The following TAOK2 variants were observed in gnomAD, a reference collection of about 807,000 sequenced individuals.
The protein encoded by TAOK2 is TAO kinase 2, also known as serine/threonine-protein kinase TAO2.
A neutral mutation model predicts 122.5 loss-of-function variants in TAOK2; 42 were observed. The observed-to-expected ratio is 0.34, with a 90% CI of 0.27 to 0.44. TAOK2 has a LOEUF of 0.44. Among genes scored for constraint, TAOK2 ranks in the 20% least tolerant of loss-of-function variants. The pLI is 1.00. For missense variants in TAOK2, 1,264 were observed against 1,644.9 expected (o/e 0.77, Z 4.01); for synonymous variants, 704 against 677.6 (o/e 1.04, Z -0.61).
downstream of TAOK2, chr16:29,991,823 GAAAGGAGGGAGATGTGCGTGTC>G (rs2069976878): frequency 7.3e-6 from 3 of 413,436 alleles, no homozygotes; most frequent in Non-Finnish European, 8.5e-6. The surrounding 1 kb of genome is among the most constrained non-coding windows in gnomAD (Gnocchi z 5.6). Context: ...CGCCACCTAG[GAAAGGAGGGAGATGTGCGTGTC>G]AAATATTCAT....
rs1432429783 is a variant in TAOK2, at chr16:29,977,810, C to G, written c.38C>G (p.Pro13Arg). The G allele has an allele frequency of 1.2e-6, 2 of 1,614,190 alleles. No individual in the cohort carries two copies. The highest frequency in any genetic ancestry group is 2.2e-5 in the East Asian group (1 of 44,876). ...GGCCGGGCCGGGAGCCTGAAGGACC[C>G]AGATGTGGCTGAGCTCTTCTTCAAG... ...AGGRAGSLKD[P>R]DVAELFFKDD... is the part of the protein sequence containing the mutation. The change falls in exon 2 of 16, where the codon CCA (proline) becomes CGA (arginine). Residue 13 changes from proline to arginine, a missense_variant. Coordinates refer to ENST00000308893, the MANE Select transcript of TAOK2 (RefSeq NM_016151.4).
downstream of TAOK2, chr16:29,989,144 C>T (rs1323600099): frequency 5.1e-6 from 5 of 985,310 alleles, no homozygotes; most frequent in Non-Finnish European, 6.0e-6. Flanking sequence ...TGGTTCTTCT[C>T]GCTTGTTCTC....
Position 29,978,257 on chromosome 16 carries a change from G to A in TAOK2, c.210G>A (p.Trp70Ter). The A allele has an allele frequency of 6.2e-7, 1 of 1,614,026 alleles. No homozygotes were observed. The highest frequency in any genetic ancestry group is 8.5e-7 in the Non-Finnish European group (1 of 1,179,996). ...TGCCTACCCTGACCCCCTAGAAATGGCAAGACATCATCAAGGAGGTGCGGT... is the reference window on the plus strand; with the variant it reads ...TGCCTACCCTGACCCCCTAGAAATGACAAGACATCATCAAGGAGGTGCGGT... ...SYSGKQSNEK[W>*]QDIIKEVRFL... is the part of the protein sequence containing the mutation. The change falls in exon 4 of 16, where the codon TGG (tryptophan) becomes TGA (stop). Residue 70 changes from tryptophan to a stop codon, truncating the protein, a stop_gained. Coordinates refer to ENST00000308893, the MANE Select transcript of TAOK2 (RefSeq NM_016151.4). LOFTEE classifies it high-confidence loss of function.
At chr16:29,976,366 G>T (rs1164494319) in intron 1 of TAOK2, among the ~76,000 whole-genome samples, 2 of 152,220 alleles carry the variant, frequency 1.3e-5, no homozygotes, top group African/African-American at 4.8e-5. Flanking sequence ...TCTGCACCCT[G>T]GGGGCCCACT....
Position 29,985,116 on chromosome 16 carries a change from G to A in TAOK2, c.1423-97G>A. ...GGTGTTAAATGAGAATGAAACCCAT[G>A]AGTTGAAAACCCATGCTCTTCCCCA... On this transcript the variant is annotated intron_variant, in intron 13 of 15. Transcript: ENST00000308893. The surrounding 1 kb of genome is among the most constrained non-coding windows in gnomAD (Gnocchi z 6.9). 7.2e-7 allele frequency: 1 copy of A among 1,385,496 alleles called. No individual in the cohort carries two copies. The highest frequency in any genetic ancestry group is 2.0e-5 in the South Asian group (1 of 49,886). 85.8% of individuals were successfully genotyped at this position (1,385,496 alleles called of 1,614,324 possible).
Position 29,982,847 on chromosome 16 carries a change from C to G in TAOK2, c.945C>G (p.Ile315Met). Residue 315 changes from isoleucine to methionine, a missense_variant, in exon 11 of 16, where the codon ATC (isoleucine) becomes ATG (methionine). By Grantham distance (10) the Ile-to-Met change is conservative (BLOSUM62 1). Around this residue, in one of 4 missense-constraint regions of TAOK2, gnomAD observed 254 missense variants for 503.8 expected, o/e 0.50. Coordinates refer to ENST00000308893, the MANE Select transcript of TAOK2 (RefSeq NM_016151.4). ...TGCAGTACCGCAAGATGAAGAAGAT[C>G]CTGTTCCAAGAGGCACCCAACGGCC... Reference protein sequence around the residue: ...DNLQYRKMKKILFQEAPNGPG... With the variant: ...DNLQYRKMKKMLFQEAPNGPG... 1 of 1,614,106 alleles carries G rather than the reference C, an allele frequency of 6.2e-7. No homozygotes were observed. Among genetic ancestry groups the G allele is most frequent in the Non-Finnish European group, 8.5e-7 (1 of 1,179,992 alleles).
In TAOK2 at chr16:29,978,333, C is replaced by G; in HGVS notation, c.286C>G (p.Leu96Val). The change falls in exon 4 of 16, where the codon CTG (leucine) becomes GTG (valine). Residue 96 changes from leucine to valine, a missense_variant. Leu to Val is a conservative substitution (Grantham distance 32). Transcript: ENST00000308893. ...CACCATTCAGTACCGGGGCTGTTAC[C>G]TGAGGGAGCACACGGCTTGGGTGAG... ...PNTIQYRGCY[L>V]REHTAWLVME... 1 of 1,614,144 alleles carries G rather than the reference C, an allele frequency of 6.2e-7. No homozygotes were observed. Among genetic ancestry groups the G allele is most frequent in the Non-Finnish European group, 8.5e-7 (1 of 1,180,020 alleles).
intron 13 of TAOK2, among the ~76,000 whole-genome samples, chr16:29,984,296 G>T (rs894336161): frequency 2.0e-5 from 3 of 152,230 alleles, no homozygotes; most frequent in Non-Finnish European, 4.4e-5. Flanking sequence ...AGTGCCTTTG[G>T]TGGCTCTCTG....
At position 29,987,343 on chromosome 16, in the gene TAOK2, C is replaced by T. The variant is rs909787343; in HGVS notation, c.3071C>T (p.Thr1024Ile). 2 of 1,555,680 alleles carry T rather than the reference C, an allele frequency of 1.3e-6. No individual in the cohort carries two copies. The highest frequency in any genetic ancestry group is 8.7e-7 in the Non-Finnish European group (1 of 1,152,170). Residue 1024 changes from threonine (T) to isoleucine (I), a missense_variant, in exon 16 of 16, where the codon ACC becomes ATC. Physicochemically the swap from Thr to Ile is moderately conservative, Grantham distance 89 (BLOSUM62 -1). Coordinates refer to ENST00000308893, the MANE Select transcript of TAOK2 (RefSeq NM_016151.4). ...SSLFLLLAQG[T>I]ALGAVLGLSW... ...CTTTTCCTACTCCTGGCCCAGGGTA[C>T]CGCACTGGGGGCCGTCCTGGGCCTG... is the stretch of plus-strand genomic sequence containing the variant.
chr16:29,985,799 C>T lies in TAOK2; in HGVS notation c.1930C>T (p.Arg644Cys), dbSNP rs776787473. ...RQRQYFELQC[R>C]QYKRKMLLAR... is the part of the protein sequence containing the mutation. ...GCGCCAGTACTTTGAGCTGCAGTGT[C>T]GCCAGTACAAGCGCAAGATGTTGCT... is the stretch of plus-strand genomic sequence containing the variant. Residue 644 changes from arginine to cysteine, a missense_variant, in exon 15 of 16, where the codon CGC becomes TGC. This residue lies in a region of TAOK2 where 824 missense variants were observed against 908.7 expected (regional missense o/e 0.91). Transcript: ENST00000308893. This position sits in a 1 kb window ranked among gnomAD's most constrained non-coding sequence, Gnocchi z 6.9. 1.4e-5 allele frequency: 22 copies of T among 1,611,714 alleles called. No homozygotes were observed. Among genetic ancestry groups the T allele is most frequent in the East Asian group, 2.2e-5 (1 of 44,874 alleles).
Position 29,987,493 on chromosome 16 carries a change from G to GC in TAOK2, c.3226dup (p.Arg1076ProfsTer61). The GC allele has an allele frequency of 6.3e-7, 1 of 1,597,112 alleles. No homozygotes were observed. Among genetic ancestry groups the GC allele is most frequent in the Non-Finnish European group, 8.5e-7 (1 of 1,170,228 alleles). On this transcript the variant is annotated frameshift_variant, in exon 16 of 16. Transcript: ENST00000308893. LOFTEE classifies it high-confidence loss of function. ...GGGGGCAGATGGGTGCGGCAGCAGG[G>GC]CCCCCGGGTGCGCCGGGGCATATCT...
In TAOK2 at chr16:29,987,890, G is replaced by A. The variant is rs763882593; in HGVS notation, c.3618G>A (p.Gly1206=). 1.3e-6 allele frequency: 2 copies of A among 1,596,144 alleles called. No homozygotes were observed. The highest frequency in any genetic ancestry group is 4.5e-5 in the East Asian group (2 of 44,478). Residue 1206 remains glycine (G), a synonymous_variant, in exon 16 of 16, where the codon GGG becomes GGA. Transcript: ENST00000308893. The part of the protein sequence containing the change: ...RLLPRSQRQL[G]PPASRQPLPG... Reference sequence around the variant, plus strand: ...TACCACGCAGCCAGCGCCAGCTAGGGCCCCCTGCCTCCCGCCAGCCACTGC... The same window carrying A: ...TACCACGCAGCCAGCGCCAGCTAGGACCCCCTGCCTCCCGCCAGCCACTGC...
chr16:29,989,898 G>C, downstream of TAOK2: 1 of 1,343,090 alleles, frequency 7.4e-7, no homozygotes, highest in Non-Finnish European at 1.0e-6. Context: ...GCACAGAGCT[G>C]GGGCTTTTTT....
chr16:29,979,610 T>TC lies in TAOK2; in HGVS notation c.655+104dup, dbSNP rs2069557693. 1 of 960,762 alleles carries TC rather than the reference T, an allele frequency of 1.0e-6. No individual in the cohort carries two copies. The highest frequency in any genetic ancestry group is 1.7e-5 in the African/African-American group (1 of 59,914). The allele number at this position is 960,762 out of a possible 1,614,324, so 59.5% of individuals were successfully genotyped here. ...TCTCCTAGGGATGGGATCCCAGGCC[T>TC]CCAAGTTCCTGTCCGTTGTGACTCT... On this transcript the variant is annotated intron_variant, in intron 8 of 15. Coordinates refer to ENST00000308893, the MANE Select transcript of TAOK2 (RefSeq NM_016151.4). The surrounding 1 kb of genome is among the most constrained non-coding windows in gnomAD (Gnocchi z 4.1).
At position 29,978,816 on chromosome 16, in the gene TAOK2, C is replaced by T. The variant is rs755795420; in HGVS notation, c.324C>T (p.Cys108=). Reference sequence around the variant, plus strand: ...TTCCTTAGCTGGTAATGGAGTATTGCCTGGGCTCAGCTTCTGACCTTCTAG... The same window carrying T: ...TTCCTTAGCTGGTAATGGAGTATTGTCTGGGCTCAGCTTCTGACCTTCTAG... ...EHTAWLVMEY[C]LGSASDLLEV... Residue 108 remains cysteine (C), a synonymous_variant, in exon 5 of 16, where the codon TGC becomes TGT. Coordinates refer to ENST00000308893, the MANE Select transcript of TAOK2 (RefSeq NM_016151.4). 2.1e-5 allele frequency: 34 copies of T among 1,613,880 alleles called. No individual in the cohort carries two copies. Among genetic ancestry groups the T allele is most frequent in the South Asian group, 1.9e-4 (17 of 91,090 alleles).
In TAOK2 at chr16:29,982,761, C is replaced by A. The variant is rs1273714728; in HGVS notation, c.859C>A (p.Pro287Thr). Residue 287 changes from proline (P) to threonine (T), a missense_variant, in exon 11 of 16, where the codon CCC becomes ACC. Transcript: ENST00000308893. ...KHRFVLRERP[P>T]TVIMDLIQRT... The stretch of plus-strand genomic sequence containing the variant: ...CCGCTTTGTGCTCCGGGAGCGGCCA[C>A]CCACAGTCATCATGGACCTGATCCA... The A allele has an allele frequency of 3.7e-6, 6 of 1,613,772 alleles. No individual in the cohort carries two copies. Among genetic ancestry groups the A allele is most frequent in the Non-Finnish European group, 4.2e-6 (5 of 1,179,876 alleles).
In TAOK2 at chr16:29,985,200, T is replaced by C. The variant is rs1291985644; in HGVS notation, c.1423-13T>C. The C allele has an allele frequency of 6.0e-6, 9 of 1,494,828 alleles. No individual in the cohort carries two copies. The highest frequency in any genetic ancestry group is 8.0e-6 in the Non-Finnish European group (9 of 1,121,120). The allele number at this position is 1,494,828 out of a possible 1,614,324, so 92.6% of individuals were successfully genotyped here. On this transcript the variant is annotated splice_polypyrimidine_tract_variant and intron_variant, in intron 13 of 15. Transcript: ENST00000308893. This position sits in a 1 kb window ranked among gnomAD's most constrained non-coding sequence, Gnocchi z 6.9. ...AGGCTGAGCCCCAGCTCTCACCCTC[T>C]CTCCTTCCCCAGGTCAGCCGTCAGA...
chr16:29,977,554 G>T (rs1348383363), intron 1 of TAOK2, among the ~76,000 whole-genome samples, 184 bp from the exon 2 acceptor site: 1 of 152,156 alleles, frequency 6.6e-6, no homozygotes, highest in Non-Finnish European at 1.5e-5. Context: ...CGCGTGATCT[G>T]GTTGCCAGGG....
At position 29,979,571 on chromosome 16, in the gene TAOK2, C is replaced by A; in HGVS notation, c.655+63C>A. The A allele has an allele frequency of 1.6e-6, 2 of 1,289,812 alleles. No individual in the cohort carries two copies. The highest frequency in any genetic ancestry group is 2.1e-6 in the Non-Finnish European group (2 of 956,956). 79.9% of individuals were successfully genotyped at this position (1,289,812 alleles called of 1,614,324 possible). On this transcript the variant is annotated intron_variant, in intron 8 of 15. Coordinates refer to ENST00000308893, the MANE Select transcript of TAOK2 (RefSeq NM_016151.4). The surrounding 1 kb of genome is among the most constrained non-coding windows in gnomAD (Gnocchi z 4.1). ...ATTCTTTCCTGTTAGTTCCCAGACTCCGGACTACCCCCTTCTCCTAGGGAT... is the reference window on the plus strand; with the variant it reads ...ATTCTTTCCTGTTAGTTCCCAGACTACGGACTACCCCCTTCTCCTAGGGAT...
Sources: gnomAD v4.1 joint callset for allele counts (sites outside exome capture counted in the v4.1 genomes callset) on GRCh38, gnomAD v4.1.1 for gene constraint, gnomAD v4.1.1 regional missense constraint, Gnocchi (gnomAD v3.1) non-coding constraint, MANE v1.5 for transcripts, NCBI Gene and HGNC (gene_info 2026-07-23, HGNC 2026-07-21) for gene names.